The following SLC16A12 variants were observed in gnomAD, a reference collection of about 807,000 sequenced individuals.
The protein encoded by SLC16A12 is monocarboxylate transporter 12.
A neutral mutation model predicts 42.4 loss-of-function variants in SLC16A12; 17 were observed. The observed-to-expected ratio is 0.40, with a 90% CI of 0.27 to 0.60. SLC16A12 has a LOEUF of 0.60. Among genes scored for constraint, SLC16A12 ranks in the 20% least tolerant of loss-of-function variants. The probability of loss-of-function intolerance (pLI) is 0.42; values close to 1 mark genes in which losing one functional copy is unlikely to be tolerated. For missense variants in SLC16A12, 544 were observed against 623.0 expected, an observed-to-expected ratio of 0.87 and a Z score of 1.35; for synonymous variants, 224 against 229.4, an observed-to-expected ratio of 0.98 and a Z score of 0.21.
At chr10:89,529,145 T>G (rs942474448) in intron 2 of SLC16A12, among the ~76,000 whole-genome samples, 4 of 152,152 alleles carry the variant, frequency 2.6e-5, no homozygotes, top group Non-Finnish European at 4.4e-5. Context: ...GGTGGTTCCT[T>G]CGGGGGCTAT....
In SLC16A12 at chr10:89,441,104, T is replaced by C. The variant is rs1289778783; in HGVS notation, c.448+4A>G. 1.2e-6 allele frequency: 2 copies of C among 1,613,848 alleles called. No homozygotes were observed. The highest frequency in any genetic ancestry group is 1.7e-5 in the Admixed American group (1 of 59,998). On this transcript the variant is annotated splice_donor_region_variant and intron_variant, in intron 5 of 7. Coordinates refer to ENST00000371790, the MANE Select transcript of SLC16A12 (RefSeq NM_213606.4). Reference sequence around the variant, plus strand: ...GTGAGACAGGTGGTACAAAGTGCCCTTACCTGTAAGAACTCCCAGAGTGAG... The same window carrying C: ...GTGAGACAGGTGGTACAAAGTGCCCCTACCTGTAAGAACTCCCAGAGTGAG...
rs115597502 is a variant in SLC16A12, at chr10:89,472,172, C to T, written c.-46-9548G>A. Among the ~76,000 whole-genome samples the T allele has an allele frequency of 7.1e-3, 1,086 of 152,114 alleles. 11 individuals are homozygous for T. Among genetic ancestry groups the T allele is most frequent in the African/African-American group, 0.025 (1,029 of 41,516 alleles). ...TTCTTTTGTAGTTGATTGCATTTCTCTATATTAGTGAATAATTAGAAATTA... is the reference window on the plus strand; with the variant it reads ...TTCTTTTGTAGTTGATTGCATTTCTTTATATTAGTGAATAATTAGAAATTA... On this transcript the variant is annotated intron_variant, in intron 2 of 7. Coordinates refer to ENST00000371790, the MANE Select transcript of SLC16A12 (RefSeq NM_213606.4).
chr10:89,439,624 T>G (rs1401971118), intron 5 of SLC16A12, among the ~76,000 whole-genome samples: 1 of 152,196 alleles, frequency 6.6e-6, no homozygotes. Flanking sequence ...TCAAATAGCA[T>G]GTACAACTAT....
At chr10:89,530,933 T>C (rs1843541359) in intron 2 of SLC16A12, among the ~76,000 whole-genome samples, 1 of 152,228 alleles carries the variant, frequency 6.6e-6, no homozygotes, top group Admixed American at 6.5e-5. Context: ...GTGGTCTTTG[T>C]ATCTGGCTTC....
At chr10:89,450,476 T>C (rs921548283) in intron 3 of SLC16A12, among the ~76,000 whole-genome samples, 2 of 152,186 alleles carry the variant, frequency 1.3e-5, no homozygotes, top group Non-Finnish European at 2.9e-5. Flanking sequence ...TGGATGAAGC[T>C]GGAAACCATT....
chr10:89,494,688 C>T (rs1465234859), intron 2 of SLC16A12, among the ~76,000 whole-genome samples: 1 of 152,224 alleles, frequency 6.6e-6, no homozygotes, highest in Non-Finnish European at 1.5e-5. Context: ...AAACAGAGAA[C>T]ACTGAAACCT....
At chr10:89,490,011 A>G (rs1842823543) in intron 2 of SLC16A12, among the ~76,000 whole-genome samples, 1 of 152,204 alleles carries the variant, frequency 6.6e-6, no homozygotes, top group Admixed American at 6.5e-5. Flanking sequence ...AACTCTGTTC[A>G]CTTGAAAATC....
chr10:89,444,008 T>G (rs1224090856), intron 3 of SLC16A12, 149 bp from the exon 4 acceptor site: 1 of 674,300 alleles, frequency 1.5e-6, no homozygotes, highest in Non-Finnish European at 2.7e-6. Flanking sequence ...AAGCTGACCA[T>G]TTGGGCCATG....
upstream of SLC16A12, among the ~76,000 whole-genome samples, chr10:89,535,729 C>T (rs908434486): frequency 2.0e-5 from 3 of 152,046 alleles, no homozygotes; most frequent in Admixed American, 6.5e-5. Context: ...CGGACATGCC[C>T]CCGGGGCGCA....
At chr10:89,450,915 GTGTGTGTA>G (rs1259745847) in intron 3 of SLC16A12, among the ~76,000 whole-genome samples, 10 of 152,100 alleles carry the variant, frequency 6.6e-5, no homozygotes, top group Admixed American at 3.9e-4. Context: ...GTGTATATAT[GTGTGTGTA>G]TGTGTGTATG....
At chr10:89,520,279 T>C (rs542082481) in intron 2 of SLC16A12, among the ~76,000 whole-genome samples, 6 of 152,224 alleles carry the variant, frequency 3.9e-5, no homozygotes, top group African/African-American at 1.2e-4. Flanking sequence ...AAAACTATCA[T>C]AACAATATAA....
intron 2 of SLC16A12, among the ~76,000 whole-genome samples, chr10:89,482,248 A>AT (rs1842675754): frequency 1.3e-5 from 2 of 151,090 alleles, no homozygotes; most frequent in African/African-American, 4.9e-5. Flanking sequence ...AAAAAAAAAA[A>AT]AAAAGAAGAA....
rs1295802200 is a variant in SLC16A12, at chr10:89,554,033, GAAGAAAGA to G, written c.-47+1841_-47+1848del. Among the ~76,000 whole-genome samples, 291 of 67,542 alleles carry G rather than the reference GAAGAAAGA, an allele frequency of 4.3e-3. 12 individuals are homozygous for G. The highest frequency in any genetic ancestry group is 0.011 in the African/African-American group (161 of 15,058). The allele number at this position is 67,542 out of a possible 152,430, so 44.3% of individuals were successfully genotyped here. A position where few individuals can be genotyped will look rare whatever the true frequency, so the allele number is the denominator to read the frequency against. On this transcript the variant is annotated intron_variant, in intron 2 of 2. Coordinates refer to the SLC16A12 transcript ENST00000475682. ...GAAAGAGAGAAAGAAAGAGAGAAAG[GAAGAAAGA>G]AAGAAAGAAAGAAAGAAAGAAAGAA...
At position 89,433,105 on chromosome 10, in the gene SLC16A12, C is replaced by T. The variant is rs762405415; in HGVS notation, c.1510G>A (p.Glu504Lys). The T allele has an allele frequency of 5.0e-6, 8 of 1,614,160 alleles. No individual in the cohort carries two copies. Among genetic ancestry groups the T allele is most frequent in the Non-Finnish European group, 3.4e-6 (4 of 1,180,012 alleles). The part of the protein sequence containing the change: ...VARELDQKHG[E>K]PVATAVPGYS... ...CCAGGCACTGCTGTAGCCACAGGCTCCCCATGTTTCTGATCTAATTCTCTT... is the reference window on the plus strand; with the variant it reads ...CCAGGCACTGCTGTAGCCACAGGCTTCCCATGTTTCTGATCTAATTCTCTT... The change falls in exon 8 of 8, where the codon GAG becomes AAG. Residue 504 changes from glutamate to lysine, a missense_variant. Transcript: ENST00000371790.
intron 2 of SLC16A12, among the ~76,000 whole-genome samples, chr10:89,518,563 G>C (rs1164122009): frequency 6.6e-6 from 1 of 152,184 alleles, no homozygotes; most frequent in Admixed American, 6.5e-5. Context: ...CTAGAGCCTG[G>C]ATTATTTTCG....
intron 2 of SLC16A12, among the ~76,000 whole-genome samples, chr10:89,550,278 T>A (rs1455852849): frequency 6.6e-6 from 1 of 152,164 alleles, no homozygotes; most frequent in Non-Finnish European, 1.5e-5. Context: ...CTCAGCACTT[T>A]GCGGGGCCGA....
chr10:89,532,447 G>A (rs1843570006), intron 2 of SLC16A12, among the ~76,000 whole-genome samples: 1 of 152,072 alleles, frequency 6.6e-6, no homozygotes, highest in African/African-American at 2.4e-5. Context: ...TATTATCAGA[G>A]GGAAAATCTT....
chr10:89,543,829 T>C (rs1354338258), intron 2 of SLC16A12, among the ~76,000 whole-genome samples: 1 of 151,632 alleles, frequency 6.6e-6, no homozygotes, highest in East Asian at 1.9e-4. Context: ...AGCAAGACCT[T>C]GTCAAAAAAA....
intron 2 of SLC16A12, among the ~76,000 whole-genome samples, chr10:89,515,133 A>AC (rs1385395727): frequency 2.1e-5 from 3 of 142,100 alleles, no homozygotes; most frequent in African/African-American, 6.0e-5. Context: ...ACAAAACAAA[A>AC]AAAAAAGAAA....
Sources: allele counts gnomAD v4.1 joint callset (sites outside exome capture counted in the v4.1 genomes callset), GRCh38; gene constraint gnomAD v4.1.1; transcripts MANE v1.5; gene names NCBI Gene and HGNC (gene_info 2026-07-23, HGNC 2026-07-21).